UBAC1: variants seen among roughly 807,000 people sequenced by gnomAD.
The protein encoded by UBAC1 is ubiquitin-associated domain-containing protein 1.
UBAC1 carries 27 observed loss-of-function variants against 45.9 expected under a neutral mutation model. That is an observed-to-expected ratio of 0.59 (90% confidence interval 0.43 to 0.81). The LOEUF is 0.81. UBAC1 is among the 30% of genes least tolerant of loss of function. The pLI, the probability that UBAC1 is intolerant of heterozygous loss-of-function variation, is 0.00. For missense variants in UBAC1, 529 were observed against 539.2 expected (o/e 0.98, Z 0.19); for synonymous variants, 227 against 215.5 (o/e 1.05, Z -0.47).
At chr9:135,936,571 C>A (rs1292075116) in intron 9 of UBAC1, among the ~76,000 whole-genome samples, 3 of 151,484 alleles carry the variant, frequency 2.0e-5, no homozygotes, top group African/African-American at 7.3e-5. Context: ...TCTCGGCTCA[C>A]TGCAACCTCC....
In UBAC1 at chr9:135,933,347, C is replaced by T. The variant is rs979905899; in HGVS notation, c.*53G>A. The T allele has an allele frequency of 6.6e-6, 10 of 1,517,582 alleles. No individual in the cohort carries two copies. The Admixed American group carries it at 8.4e-5, about 13-fold the overall frequency. 94.0% of individuals were successfully genotyped at this position (1,517,582 alleles called of 1,614,324 possible). A position where few individuals can be genotyped will look rare whatever the true frequency, so the allele number is the denominator to read the frequency against. On this transcript the variant is annotated 3_prime_UTR_variant, in exon 10 of 10. Transcript: ENST00000371756. ...AGGTGAGGTCCACTCTGCCCGGTCT[C>T]GGGCCGCACCAGGGGGCTGCTGTGG...
At chr9:135,945,798 T>G in intron 6 of UBAC1, 91 bp downstream of exon 6, 1 of 967,796 alleles carries the variant, frequency 1.0e-6, no homozygotes, top group Non-Finnish European at 1.6e-6. Context: ...GTCAAAGAGT[T>G]TAGGGTAGGA....
At chr9:135,956,227 G>A (rs1161478061) in intron 1 of UBAC1, among the ~76,000 whole-genome samples, 1 of 152,186 alleles carries the variant, frequency 6.6e-6, no homozygotes, top group East Asian at 1.9e-4. Flanking sequence ...ACTCCAGGAG[G>A]AAGTTGGAGC....
chr9:135,947,978 C>G, intron 3 of UBAC1, 73 bp from the exon 4 acceptor site: 1 of 1,384,548 alleles, frequency 7.2e-7, no homozygotes, highest in Non-Finnish European at 1.0e-6. Context: ...ACTGAATCAG[C>G]GGAGCTCTGC....
In UBAC1 at chr9:135,946,430, A is replaced by C; in HGVS notation, c.442-59T>G. 5 of 1,089,972 alleles carry C rather than the reference A, an allele frequency of 4.6e-6. No individual in the cohort carries two copies. The Admixed American group carries it at 6.8e-5, about 15-fold the overall frequency. The allele number at this position is 1,089,972 out of a possible 1,614,324, so 67.5% of individuals were successfully genotyped here. A position where few individuals can be genotyped will look rare whatever the true frequency, so the allele number is the denominator to read the frequency against. The stretch of plus-strand genomic sequence containing the variant: ...ATGTCCACCAAACCTACTTGGATCT[A>C]TGACTTGCTCCCCTGTCCTAGAACT... On this transcript the variant is annotated intron_variant, in intron 4 of 9. Transcript: ENST00000371756.
At position 135,946,336 on chromosome 9, in the gene UBAC1, G is replaced by A; in HGVS notation, c.477C>T (p.Leu159=). The A allele has an allele frequency of 6.2e-7, 1 of 1,613,982 alleles. No individual in the cohort carries two copies. ...QTELRKILVS[L]IEVAQKLLAL... ...CTAACAGCTTCTGCGCCACCTCGAT[G>A]AGAGACACCAGTATCTTCCGGAGTT... Residue 159 remains leucine, a synonymous_variant, in exon 5 of 10, where the codon CTC becomes CTT. Coordinates refer to ENST00000371756, the MANE Select transcript of UBAC1 (RefSeq NM_016172.3).
intron 3 of UBAC1, among the ~76,000 whole-genome samples, chr9:135,948,864 G>A (rs1207283309): frequency 5.3e-5 from 8 of 152,174 alleles, no homozygotes; most frequent in Admixed American, 5.2e-4. Flanking sequence ...GGGGTCAGGA[G>A]TTCGAGACCA....
chr9:135,936,082 T>A (rs1252536962), intron 9 of UBAC1, among the ~76,000 whole-genome samples: 7 of 146,162 alleles, frequency 4.8e-5, no homozygotes, highest in Non-Finnish European at 7.5e-5. Context: ...TTGTCTATAA[T>A]ATGGAGGTGG....
intron 5 of UBAC1, 50 bp from the exon 6 acceptor site, chr9:135,946,047 C>A (rs72771957): frequency 0.039 from 60,086 of 1,524,766 alleles, 1,404 homozygotes; most frequent in Non-Finnish European, 0.046. Flanking sequence ...GGTTCAGGGG[C>A]CTTATCTGAG....
chr9:135,959,438 G>C (rs1194443552), intron 1 of UBAC1, among the ~76,000 whole-genome samples: 1 of 141,558 alleles, frequency 7.1e-6, no homozygotes, highest in Admixed American at 7.6e-5. Context: ...GCAGTGGCGC[G>C]ATCTCATCTC....
chr9:135,960,221 G>A (rs1177443735), intron 1 of UBAC1, among the ~76,000 whole-genome samples: 1 of 152,206 alleles, frequency 6.6e-6, no homozygotes, highest in Non-Finnish European at 1.5e-5. Flanking sequence ...CTGACACACA[G>A]ACAGGCTTCT....
chr9:135,954,155 A>G (rs1289645135), intron 2 of UBAC1, among the ~76,000 whole-genome samples: 3 of 141,998 alleles, frequency 2.1e-5, no homozygotes, highest in African/African-American at 7.7e-5. Flanking sequence ...AAAAAAAAAA[A>G]AGAAGAAGAG....
rs1839432901 is a variant in UBAC1, at chr9:135,953,683, T to C, written c.330A>G (p.Glu110=). The C allele has an allele frequency of 6.2e-7, 1 of 1,613,674 alleles. No individual in the cohort carries two copies. Among genetic ancestry groups the C allele is most frequent in the Non-Finnish European group, 8.5e-7 (1 of 1,179,706 alleles). ...LPKMADVSAE[E]KKKQDQKAPD... ...AATTGCAAACTTTGAAATTTACCTT[T>C]TCTTCTGCTGAGACATCAGCCATCT... Residue 110 remains glutamate, a synonymous_variant, in exon 3 of 10, where the codon GAA becomes GAG. Transcript: ENST00000371756.
At position 135,955,432 on chromosome 9, in the gene UBAC1, A is replaced by C; in HGVS notation, c.139-17T>G. ...ATGAGCACACTGGGGAAAAATAGAA[A>C]TTTCAAGGTAGAAAATAAGTAAATC... is the stretch of plus-strand genomic sequence containing the variant. On this transcript the variant is annotated splice_polypyrimidine_tract_variant and intron_variant, in intron 1 of 9. Transcript: ENST00000371756. The C allele has an allele frequency of 6.6e-7, 1 of 1,518,548 alleles. No individual in the cohort carries two copies. Among genetic ancestry groups the C allele is most frequent in the East Asian group, 2.4e-5 (1 of 41,492 alleles). The allele number at this position is 1,518,548 out of a possible 1,614,324, so 94.1% of individuals were successfully genotyped here. A position where few individuals can be genotyped will look rare whatever the true frequency, so the allele number is the denominator to read the frequency against.
chr9:135,945,301 C>T, intron 6 of UBAC1, 51 bp from the exon 7 acceptor site: 1 of 1,452,788 alleles, frequency 6.9e-7, no homozygotes, highest in Non-Finnish European at 9.2e-7. Context: ...GGACCAGGGC[C>T]TTCGCCTCCT....
chr9:135,957,242 G>A (rs551895391), intron 1 of UBAC1, among the ~76,000 whole-genome samples: 11 of 152,210 alleles, frequency 7.2e-5, no homozygotes, highest in South Asian at 6.2e-4. Flanking sequence ...TTGGGGGGAC[G>A]CAGCTACTAG....
At chr9:135,935,704 A>G (rs1384911094) in intron 9 of UBAC1, among the ~76,000 whole-genome samples, 2 of 152,180 alleles carry the variant, frequency 1.3e-5, no homozygotes. Context: ...TGGCCAACAG[A>G]AAAGTATTCA....
At chr9:135,960,862 C>A (rs1839525546) in intron 1 of UBAC1, among the ~76,000 whole-genome samples, 163 bp downstream of exon 1, 3 of 152,144 alleles carry the variant, frequency 2.0e-5, no homozygotes, top group African/African-American at 7.2e-5. Context: ...GAGAGTCGGG[C>A]AAACGGGCAG....
intron 7 of UBAC1, among the ~76,000 whole-genome samples, chr9:135,941,686 C>T (rs540006395): frequency 4.6e-4 from 69 of 150,684 alleles, no homozygotes; most frequent in African/African-American, 1.5e-3. Flanking sequence ...TGCCCTCCCT[C>T]CCAGCCCATG....
Sources: allele counts gnomAD v4.1 joint callset (sites outside exome capture counted in the v4.1 genomes callset), GRCh38; gene constraint gnomAD v4.1.1; transcripts MANE v1.5; gene names NCBI Gene and HGNC (gene_info 2026-07-23, HGNC 2026-07-21).